PPFIA1: variants seen among roughly 807,000 people sequenced by gnomAD.
PPFIA1 encodes PPFI scaffold protein A1, also known as liprin-alpha-1.
In PPFIA1, 25 loss-of-function variants were observed where a neutral mutation model predicts 149.9. That is an observed-to-expected ratio of 0.17 (90% CI 0.12 to 0.23). The LOEUF is 0.23. Among genes scored for constraint, PPFIA1 ranks in the 10% least tolerant of loss-of-function variants. The probability of loss-of-function intolerance (pLI) is 1.00; values close to 1 mark genes in which losing one functional copy is unlikely to be tolerated. For missense variants in PPFIA1, 1,362 were observed against 1,506.5 expected, an observed-to-expected ratio of 0.90 and a Z score of 1.59; for synonymous variants, 549 against 552.8, an observed-to-expected ratio of 0.99 and a Z score of 0.10.
rs2050023644 is a variant in PPFIA1 at position 70,270,822 on chromosome 11, G to A, written c.-93G>A. 1 of 150,222 alleles carries A rather than the reference G, an allele frequency of 6.7e-6. No individual in the cohort carries two copies. Among genetic ancestry groups the A allele is most frequent in the Admixed American group, 6.6e-5 (1 of 15,106 alleles). The allele number at this position is 150,222 out of a possible 1,614,324, so 9.3% of individuals were successfully genotyped here. A position where few individuals can be genotyped will look rare whatever the true frequency, so the allele number is the denominator to read the frequency against. The stretch of plus-strand genomic sequence containing the variant: ...GGCGGGCAGGCGGACGCCGGCCGCG[G>A]GCTGCTTTCGTCGGCTCCCAAGCTC... On this transcript the variant is annotated 5_prime_UTR_variant, in exon 1 of 28. Coordinates refer to ENST00000253925, the MANE Select transcript of PPFIA1 (RefSeq NM_003626.5).
In PPFIA1 at chr11:70,326,720, A is replaced by G. The variant is rs370632677; in HGVS notation, c.832A>G (p.Ser278Gly). 3 of 1,614,076 alleles carry G rather than the reference A, an allele frequency of 1.9e-6. No homozygotes were observed. Among genetic ancestry groups the G allele is most frequent in the African/African-American group, 1.3e-5 (1 of 74,928 alleles). The change falls in exon 7 of 28, where the codon AGT becomes GGT. Residue 278 changes from serine (S) to glycine (G), a missense_variant. Ser to Gly is a moderately conservative substitution (Grantham distance 56). Coordinates refer to ENST00000253925, the MANE Select transcript of PPFIA1 (RefSeq NM_003626.5). ...GAAAGAACGCCTGGCTTCCCTTTCC[A>G]GTCATGTGACAGAACTGGAAGAGGA... is the stretch of plus-strand genomic sequence containing the variant. The part of the protein sequence containing the change: ...QMKERLASLS[S>G]HVTELEEDLD...
chr11:70,273,285 A>G (rs1333153229), intron 2 of PPFIA1, among the ~76,000 whole-genome samples: 1 of 152,202 alleles, frequency 6.6e-6, no homozygotes, highest in African/African-American at 2.4e-5. Context: ...TAAAGCTTAG[A>G]ACAACTGAAA....
At position 70,325,508 on chromosome 11, in the gene PPFIA1, G is replaced by C; in HGVS notation, c.540G>C (p.Glu180Asp). ...ACCCCTTTTATTTTCAGGTGAGAGAGCGATTACGAGTAGCACTTGAAAGAT... is the reference window on the plus strand; with the variant it reads ...ACCCCTTTTATTTTCAGGTGAGAGACCGATTACGAGTAGCACTTGAAAGAT... The part of the protein sequence containing the change: ...HHKALDEKVR[E>D]RLRVALERCS... The change falls in exon 5 of 28, where the codon GAG (glutamate) becomes GAC (aspartate). Residue 180 changes from glutamate to aspartate, a missense_variant. By Grantham distance (45) the Glu-to-Asp change is conservative. This residue lies in a region of PPFIA1 where 79 missense variants were observed against 146.2 expected (regional missense o/e 0.54). Transcript: ENST00000253925. 1.3e-6 allele frequency: 2 copies of C among 1,585,252 alleles called. No individual in the cohort carries two copies. Among genetic ancestry groups the C allele is most frequent in the South Asian group, 2.2e-5 (2 of 90,490 alleles).
intron 2 of PPFIA1, among the ~76,000 whole-genome samples, chr11:70,316,975 A>T (rs938374837): frequency 2.0e-5 from 3 of 152,252 alleles, no homozygotes; most frequent in East Asian, 3.8e-4. Context: ...CTGTTGTCTC[A>T]ATCCTAGATA....
In PPFIA1 at chr11:70,271,547, A is replaced by G. The variant is rs1223006537; in HGVS notation, c.1-626A>G. 3.3e-5 allele frequency among the ~76,000 whole-genome samples: 5 copies of G among 151,758 alleles called. No homozygotes were observed. The South Asian group carries it at 1.0e-3, about 31-fold the overall frequency. On this transcript the variant is annotated intron_variant, in intron 1 of 27. Coordinates refer to ENST00000253925, the MANE Select transcript of PPFIA1 (RefSeq NM_003626.5). ...TTTTTTTTCGGTTGTAAACTTACGT[A>G]AGTTAGGTTGACCAACCGTTGCAGC...
chr11:70,338,410 G>C lies in PPFIA1; in HGVS notation c.1528G>C (p.Glu510Gln). The change falls in exon 13 of 28, where the codon GAA (glutamate) becomes CAA (glutamine). Residue 510 changes from glutamate to glutamine, a missense_variant. This residue lies in a region of PPFIA1 where 733 missense variants were observed against 744.1 expected (regional missense o/e 0.99). Coordinates refer to ENST00000253925, the MANE Select transcript of PPFIA1 (RefSeq NM_003626.5). ...LVLNIEALRA[E>Q]LDHMRLRGAS... ...CCTAAACATTGAAGCACTGAGGGCT[G>C]AACTAGACCACATGAGACTAAGAGG... 1 of 1,613,578 alleles carries C rather than the reference G, an allele frequency of 6.2e-7. No individual in the cohort carries two copies. Among genetic ancestry groups the C allele is most frequent in the Non-Finnish European group, 8.5e-7 (1 of 1,179,506 alleles).
chr11:70,326,215 C>T (rs1403047859), intron 5 of PPFIA1, 47 bp from the exon 6 acceptor site: 1 of 1,090,198 alleles, frequency 9.2e-7, no homozygotes. Flanking sequence ...TTACTTATTT[C>T]TCTTATGTAA....
chr11:70,348,126 T>C, intron 15 of PPFIA1, 63 bp from the exon 16 acceptor site: 1 of 1,448,850 alleles, frequency 6.9e-7, no homozygotes, highest in Non-Finnish European at 9.7e-7. Flanking sequence ...ATGGTTTTTC[T>C]CATGCAAACA....
intron 2 of PPFIA1, among the ~76,000 whole-genome samples, chr11:70,281,621 T>C (rs2050764135): frequency 6.6e-6 from 1 of 152,198 alleles, no homozygotes; most frequent in African/African-American, 2.4e-5. Context: ...CCCCAGACCC[T>C]TGGGGCTTTC....
At chr11:70,354,086 C>G (rs1008759103) in intron 16 of PPFIA1, 5 of 507,754 alleles carry the variant, frequency 9.8e-6, no homozygotes, top group African/African-American at 5.8e-5. Context: ...CTGTTGGGCC[C>G]CAGCGCACGC....
chr11:70,305,234 A>G (rs566548529), intron 2 of PPFIA1, among the ~76,000 whole-genome samples: 1 of 152,302 alleles, frequency 6.6e-6, no homozygotes, highest in South Asian at 2.1e-4. Context: ...AAGGGGAGAA[A>G]ACATAGGTTC....
intron 2 of PPFIA1, chr11:70,282,518 A>ATTTTTTT (rs869216935): frequency 9.8e-5 from 7 of 71,466 alleles, no homozygotes; most frequent in African/African-American, 1.9e-4. Flanking sequence ...TTGAGTGCTG[A>ATTTTTTT]TTTTTTTTTT....
intron 15 of PPFIA1, chr11:70,345,930 T>G (rs757776040): frequency 4.6e-6 from 2 of 433,174 alleles, no homozygotes; most frequent in Non-Finnish European, 9.4e-6. Context: ...ACACTGGAGC[T>G]CTTCAGGAGT....
chr11:70,375,113 T>C lies in PPFIA1; in HGVS notation c.3315+20T>C, dbSNP rs1427501763. 2.0e-6 allele frequency: 3 copies of C among 1,529,482 alleles called. No individual in the cohort carries two copies. The highest frequency in any genetic ancestry group is 2.6e-6 in the Non-Finnish European group (3 of 1,139,190). The allele number at this position is 1,529,482 out of a possible 1,614,324, so 94.7% of individuals were successfully genotyped here. On this transcript the variant is annotated intron_variant, in intron 24 of 27. Transcript: ENST00000253925. ...ACACAGGTGACGCCAAACCTGTCTG[T>C]GTCTGCACTCATTGTTCAGTTGGCA...
intron 11 of PPFIA1, among the ~76,000 whole-genome samples, chr11:70,336,925 G>A (rs2055013698): frequency 6.6e-6 from 1 of 152,220 alleles, no homozygotes; most frequent in Non-Finnish European, 1.5e-5. Context: ...ACCATGGAGG[G>A]CATTTCCAGA....
chr11:70,367,858 A>C (rs528466417), intron 21 of PPFIA1, among the ~76,000 whole-genome samples: 1 of 152,214 alleles, frequency 6.6e-6, no homozygotes, highest in Non-Finnish European at 1.5e-5. Flanking sequence ...GGCCTAGGCC[A>C]GGTGTAGTGG....
At chr11:70,292,235 A>G (rs1565351465) in intron 2 of PPFIA1, among the ~76,000 whole-genome samples, 1 of 152,096 alleles carries the variant, frequency 6.6e-6, no homozygotes, top group Non-Finnish European at 1.5e-5. Context: ...CCCCCTGCCT[A>G]GGCCTCCCAA....
Position 70,372,218 on chromosome 11 carries a change from C to T in PPFIA1, c.2869C>T (p.Leu957Phe), listed in dbSNP as rs1215343566. ...CTTTTCCATTTATGAAAAGCAGACA[C>T]TCGCCTATGGGGACATGAACCACGA... is the stretch of plus-strand genomic sequence containing the variant. ...PSAPPTSRTT[L>F]AYGDMNHEWI... The change falls in exon 22 of 28, where the codon CTC becomes TTC. Residue 957 changes from leucine to phenylalanine, a missense_variant. Leu to Phe is a conservative substitution (Grantham distance 22). Coordinates refer to ENST00000253925, the MANE Select transcript of PPFIA1 (RefSeq NM_003626.5). The T allele has an allele frequency of 6.2e-7, 1 of 1,602,928 alleles. No individual in the cohort carries two copies. The highest frequency in any genetic ancestry group is 2.2e-5 in the East Asian group (1 of 44,804).
At position 70,277,060 on chromosome 11, in the gene PPFIA1, A is replaced by ATATAT; in HGVS notation, c.264+4625_264+4626insATATT. Among the ~76,000 whole-genome samples, 161 of 66,298 alleles carry ATATAT rather than the reference A, an allele frequency of 2.4e-3. 2 individuals carry two copies. Among genetic ancestry groups the ATATAT allele is most frequent in the East Asian group, 6.3e-3 (20 of 3,172 alleles). The allele number at this position is 66,298 out of a possible 152,430, so 43.5% of individuals were successfully genotyped here. On this transcript the variant is annotated intron_variant, in intron 2 of 27. Transcript: ENST00000253925. ...GAGATATATATATATATATATATAT[A>ATATAT]TTTTTTTTTTTCCAGGCACAGTCTC...
Sources: allele counts gnomAD v4.1 joint callset (sites outside exome capture counted in the v4.1 genomes callset), GRCh38; gene constraint gnomAD v4.1.1; regional missense constraint gnomAD v4.1.1; transcripts MANE v1.5; gene names NCBI Gene and HGNC (gene_info 2026-07-23, HGNC 2026-07-21).